The following TAF2 variants were observed in gnomAD, a reference collection of about 807,000 sequenced individuals.
The protein encoded by TAF2 is TATA-box binding protein associated factor 2.
Under a neutral mutation model 138.5 loss-of-function variants are expected in TAF2, and 61 were observed. That is an observed-to-expected ratio of 0.44 (90% confidence interval 0.36 to 0.54). The LOEUF is 0.54. Ranked by LOEUF, TAF2 falls within the 20% of genes least tolerant of loss-of-function variation. TAF2 has a pLI of 0.00. For synonymous variants in TAF2, 475 were observed against 469.9 expected (o/e 1.01, Z -0.14); for missense variants, 1,090 against 1,427.9 (o/e 0.76, Z 3.81).
At chr8:119,786,774 T>C (rs959893712) in intron 14 of TAF2, among the ~76,000 whole-genome samples, 4 of 151,994 alleles carry the variant, frequency 2.6e-5, no homozygotes, top group African/African-American at 9.7e-5. Context: ...ATACAAAAAG[T>C]AGCGGGGCGT....
chr8:119,795,234 C>T (rs990335443), intron 9 of TAF2, among the ~76,000 whole-genome samples: 1 of 152,042 alleles, frequency 6.6e-6, no homozygotes, highest in African/African-American at 2.4e-5. Context: ...ACAAAGCTAA[C>T]AAATTTAGGA....
chr8:119,768,315 C>A (rs1208869919), intron 18 of TAF2, among the ~76,000 whole-genome samples: 1 of 152,200 alleles, frequency 6.6e-6, no homozygotes, highest in Non-Finnish European at 1.5e-5. Context: ...TCGTCCAGTC[C>A]ACTACCTCCG....
intron 18 of TAF2, among the ~76,000 whole-genome samples, chr8:119,763,779 G>A (rs1821230963): frequency 6.6e-6 from 1 of 151,952 alleles, no homozygotes; most frequent in Non-Finnish European, 1.5e-5. Flanking sequence ...GGGTGACAGA[G>A]CAAGACTCCA....
At chr8:119,806,992 C>G (rs1343039201) in intron 3 of TAF2, among the ~76,000 whole-genome samples, 1 of 152,224 alleles carries the variant, frequency 6.6e-6, no homozygotes, top group Non-Finnish European at 1.5e-5. Context: ...GCCAAAGCCA[C>G]TATCCTTTTT....
chr8:119,818,742 A>T (rs1321751340), intron 3 of TAF2, among the ~76,000 whole-genome samples: 2 of 75,784 alleles, frequency 2.6e-5, no homozygotes, highest in East Asian at 4.2e-4. Context: ...CCACACACAC[A>T]CACACACACA....
Position 119,746,822 on chromosome 8 carries a change from A to G in TAF2, c.2991T>C (p.Asn997=), listed in dbSNP as rs115102496. The G allele has an allele frequency of 2.0e-3, 3,196 of 1,614,136 alleles. 56 individuals carry two copies. In the African/African-American group the frequency reaches 0.037, roughly 19 times the overall value. The change falls in exon 23 of 26, where the codon AAT becomes AAC. Residue 997 remains asparagine, a synonymous_variant. Coordinates refer to ENST00000378164, the MANE Select transcript of TAF2 (RefSeq NM_003184.4). ...LPLPELGLVL[N]LKEKKAVLNP... ...TCAAGACAGCTTTTTTCTCCTTTAG[A>G]TTAAGAACCAACCCAAGCTCTGGCA...
rs1384457352 is a variant in TAF2 at position 119,801,935 on chromosome 8, A to G, written c.651T>C (p.Asn217=). The change falls in exon 6 of 26, where the codon AAT becomes AAC. Residue 217 remains asparagine, a synonymous_variant. Coordinates refer to ENST00000378164, the MANE Select transcript of TAF2 (RefSeq NM_003184.4). ...TVDAAMVAVS[N]GDLVETVYTH... is the part of the protein sequence containing the mutation. ...TATACACTGTCTCCACCAAATCGCC[A>G]TTAGAAACAGCAACCATTGCAGCAT... The G allele has an allele frequency of 6.2e-7, 1 of 1,614,242 alleles. No individual in the cohort carries two copies.
At chr8:119,764,478 CAT>C (rs1821293217) in intron 18 of TAF2, among the ~76,000 whole-genome samples, 1 of 152,140 alleles carries the variant, frequency 6.6e-6, no homozygotes, top group African/African-American at 2.4e-5. Context: ...CACACAAAAT[CAT>C]AAATGATGAC....
intron 3 of TAF2, among the ~76,000 whole-genome samples, chr8:119,814,718 CCT>C (rs1825325128): frequency 7.1e-6 from 1 of 139,876 alleles, no homozygotes; most frequent in South Asian, 2.4e-4. Context: ...GTGGTGAAAC[CCT>C]GTCTCTACCA....
In TAF2 at chr8:119,791,470, T is replaced by A. The variant is rs368036233; in HGVS notation, c.1278-11A>T. On this transcript the variant is annotated splice_polypyrimidine_tract_variant and intron_variant, in intron 10 of 25. Transcript: ENST00000378164. ...AGATGGGAAGCCGGACTAAAAAAAATAAACACATTTACCTAATACAGCAAA... is the reference window on the plus strand; with the variant it reads ...AGATGGGAAGCCGGACTAAAAAAAAAAAACACATTTACCTAATACAGCAAA... 2 of 1,610,788 alleles carry A rather than the reference T, an allele frequency of 1.2e-6. No homozygotes were observed. The highest frequency in any genetic ancestry group is 1.7e-6 in the Non-Finnish European group (2 of 1,178,232).
intron 18 of TAF2, among the ~76,000 whole-genome samples, chr8:119,764,490 C>A (rs1219045498): frequency 6.6e-6 from 1 of 152,110 alleles, no homozygotes; most frequent in Non-Finnish European, 1.5e-5. Context: ...TAAATGATGA[C>A]AAGCATAATG....
intron 5 of TAF2, among the ~76,000 whole-genome samples, chr8:119,802,879 T>C (rs1444434771): frequency 1.3e-5 from 2 of 152,124 alleles, no homozygotes; most frequent in Admixed American, 1.3e-4. Flanking sequence ...TGAGCCGAGA[T>C]TGCGCCACTG....
intron 18 of TAF2, among the ~76,000 whole-genome samples, chr8:119,767,606 G>A (rs1385215554): frequency 1.1e-4 from 16 of 152,226 alleles, no homozygotes; most frequent in Admixed American, 9.2e-4. Flanking sequence ...TTTGGCCCCT[G>A]AGCAGTCAGG....
chr8:119,733,953 G>A (rs1428982447), intron 25 of TAF2, among the ~76,000 whole-genome samples: 2 of 152,142 alleles, frequency 1.3e-5, no homozygotes, highest in Non-Finnish European at 2.9e-5. Flanking sequence ...GTAGTTCACA[G>A]CAGTGGTTCT....
intron 18 of TAF2, among the ~76,000 whole-genome samples, chr8:119,776,130 A>T (rs1399399273): frequency 1.3e-5 from 2 of 152,186 alleles, no homozygotes; most frequent in Non-Finnish European, 2.9e-5. Flanking sequence ...TGTCCCTAAT[A>T]TGCCTTATTC....
At chr8:119,797,930 TA>T in intron 6 of TAF2, 84 bp from the exon 7 acceptor site, 1 of 1,229,998 alleles carries the variant, frequency 8.1e-7, no homozygotes, top group Non-Finnish European at 1.2e-6. Context: ...CAACTATAAA[TA>T]AATGTTCTCA....
intron 3 of TAF2, among the ~76,000 whole-genome samples, chr8:119,811,028 A>C (rs1825017150): frequency 6.6e-6 from 1 of 152,192 alleles, no homozygotes; most frequent in South Asian, 2.1e-4. Context: ...GAAGTCAAAA[A>C]TTACAGTGTA....
intron 24 of TAF2, among the ~76,000 whole-genome samples, chr8:119,743,369 TAAAA>T (rs573626984): frequency 4.5e-4 from 62 of 139,192 alleles, no homozygotes; most frequent in Middle Eastern, 3.5e-3. Flanking sequence ...AGAATGAAAT[TAAAA>T]AAAAAAAAGA....
chr8:119,796,844 T>C (rs1823862081), intron 8 of TAF2, 146 bp downstream of exon 8: 5 of 602,300 alleles, frequency 8.3e-6, no homozygotes, highest in East Asian at 2.8e-5. Flanking sequence ...ATGAAACTTA[T>C]AATCATTTTT....
Sources: allele counts gnomAD v4.1 joint callset (sites outside exome capture counted in the v4.1 genomes callset), GRCh38; gene constraint gnomAD v4.1.1; transcripts MANE v1.5; gene names NCBI Gene and HGNC (gene_info 2026-07-23, HGNC 2026-07-21).